Variants in GNG12 observed in about 807,000 individuals in gnomAD.
GNG12 encodes G protein subunit gamma 12.
For missense variants in GNG12, 69 were observed against 83.8 expected, an observed-to-expected ratio of 0.82 and a Z score of 0.69; for synonymous variants, 28 against 29.7, an observed-to-expected ratio of 0.94 and a Z score of 0.19.
At chr1:67,780,347 A>G (rs1291280618) in intron 1 of GNG12, among the ~76,000 whole-genome samples, 2 of 152,176 alleles carry the variant, frequency 1.3e-5, no homozygotes, top group African/African-American at 4.8e-5. Flanking sequence ...TTCACACTCC[A>G]TGCCTGCCTC....
intron 1 of GNG12, among the ~76,000 whole-genome samples, chr1:67,830,890 T>A (rs1383464829): frequency 6.6e-6 from 1 of 152,224 alleles, no homozygotes; most frequent in South Asian, 2.1e-4. Flanking sequence ...TTGAACAAGC[T>A]AGATAAATAT....
At chr1:67,807,440 TAAA>T (rs1407664478) in intron 1 of GNG12, among the ~76,000 whole-genome samples, 1 of 144,160 alleles carries the variant, frequency 6.9e-6, no homozygotes, top group African/African-American at 2.6e-5. Flanking sequence ...AAAAATAAAA[TAAA>T]AAAATTCAAA....
intron 1 of GNG12, among the ~76,000 whole-genome samples, chr1:67,807,216 T>C (rs908322257): frequency 3.9e-5 from 6 of 152,020 alleles, no homozygotes; most frequent in African/African-American, 1.4e-4. Flanking sequence ...ATCTGAAATT[T>C]AAAAATATTT....
At chr1:67,770,017 C>T (rs963582518) in intron 2 of GNG12, among the ~76,000 whole-genome samples, 3 of 152,114 alleles carry the variant, frequency 2.0e-5, no homozygotes, top group Non-Finnish European at 4.4e-5. Context: ...AGATGAAGGA[C>T]CACTTTTAGA....
chr1:67,827,448 T>C (rs534498116), intron 1 of GNG12, among the ~76,000 whole-genome samples: 1 of 151,850 alleles, frequency 6.6e-6, no homozygotes, highest in African/African-American at 2.4e-5. Flanking sequence ...TTTTTTAAGA[T>C]GGCATCTTGC....
At chr1:67,818,413 GTTTTTTTTTT>G (rs1163831257) in intron 1 of GNG12, among the ~76,000 whole-genome samples, 6 of 83,900 alleles carry the variant, frequency 7.2e-5, no homozygotes, top group East Asian at 4.4e-4. Flanking sequence ...AAGACCAGGG[GTTTTTTTTTT>G]TTTTTTTTTT....
chr1:67,712,831 CTTT>C (rs11310806), intron 2 of GNG12, among the ~76,000 whole-genome samples: 4 of 147,148 alleles, frequency 2.7e-5, no homozygotes, highest in African/African-American at 9.9e-5. Context: ...CCATGTGGTT[CTTT>C]TTTTTTTTTT....
chr1:67,710,705 T>G (rs1365647068), intron 2 of GNG12, among the ~76,000 whole-genome samples: 1 of 152,200 alleles, frequency 6.6e-6, no homozygotes, highest in Non-Finnish European at 1.5e-5. Flanking sequence ...TGATTCACAC[T>G]TGCCAGCTCA....
intron 3 of GNG12, among the ~76,000 whole-genome samples, chr1:67,707,174 T>TA (rs1646254351): frequency 6.6e-6 from 1 of 152,216 alleles, no homozygotes; most frequent in Non-Finnish European, 1.5e-5. Flanking sequence ...TTCATTTCCC[T>TA]AAAAAGGAAA....
intron 1 of GNG12, among the ~76,000 whole-genome samples, chr1:67,828,232 TAA>T (rs1453766659): frequency 1.3e-5 from 2 of 152,200 alleles, no homozygotes; most frequent in African/African-American, 4.8e-5. Flanking sequence ...CTGCTATGGC[TAA>T]AGAGTGGCAA....
chr1:67,770,665 GC>G (rs926513967), intron 2 of GNG12, among the ~76,000 whole-genome samples: 12 of 152,144 alleles, frequency 7.9e-5, no homozygotes, highest in Non-Finnish European at 1.5e-4. Flanking sequence ...CCAGAGCAAG[GC>G]CCCTCAGAGG....
At chr1:67,812,378 C>T (rs1008858153) in intron 1 of GNG12, among the ~76,000 whole-genome samples, 1 of 152,204 alleles carries the variant, frequency 6.6e-6, no homozygotes, top group Non-Finnish European at 1.5e-5. Context: ...TTAATTTCAG[C>T]TGACAGATAA....
chr1:67,740,560 T>C (rs1646477286), intron 2 of GNG12, among the ~76,000 whole-genome samples: 1 of 152,266 alleles, frequency 6.6e-6, no homozygotes, highest in African/African-American at 2.4e-5. Context: ...ATCCCTGATC[T>C]GGAGTAAGGA....
chr1:67,815,063 A>C (rs1646945786), intron 1 of GNG12, among the ~76,000 whole-genome samples: 1 of 152,210 alleles, frequency 6.6e-6, no homozygotes, highest in African/African-American at 2.4e-5. Context: ...GTGCTTCTGG[A>C]AAGTGTTACC....
chr1:67,721,273 T>A (rs1272365021), intron 2 of GNG12, among the ~76,000 whole-genome samples: 1 of 152,142 alleles, frequency 6.6e-6, no homozygotes, highest in Non-Finnish European at 1.5e-5. Flanking sequence ...GCTAAGCATG[T>A]GTGAAGGAAG....
rs552079817 is a variant in GNG12 at position 67,706,099 on chromosome 1, G to C, written c.94-523C>G. Among the ~76,000 whole-genome samples, 39 of 152,246 alleles carry C rather than the reference G, an allele frequency of 2.6e-4. No individual in the cohort carries two copies. The South Asian group carries it at 7.5e-3, about 29-fold the overall frequency. On this transcript the variant is annotated intron_variant, in intron 3 of 3. Transcript: ENST00000370982. ...AGAAGGAGGGAGAGAGACAGTGCAA[G>C]CAAGTACATGTGGTCAAATGTTAAA...
intron 1 of GNG12, among the ~76,000 whole-genome samples, chr1:67,802,397 G>T (rs1158133149): frequency 1.3e-5 from 2 of 152,054 alleles, no homozygotes; most frequent in Non-Finnish European, 2.9e-5. Flanking sequence ...ACCCTTGTCG[G>T]CCAGGCACAT....
At chr1:67,810,494 A>C (rs1646918723) in intron 1 of GNG12, among the ~76,000 whole-genome samples, 1 of 152,232 alleles carries the variant, frequency 6.6e-6, no homozygotes, top group Non-Finnish European at 1.5e-5. Context: ...GGAGGAGGCT[A>C]TGCATAGGCA....
At chr1:67,777,692 G>C (rs1198471514) in intron 1 of GNG12, among the ~76,000 whole-genome samples, 185 bp from the exon 2 acceptor site, 1 of 152,176 alleles carries the variant, frequency 6.6e-6, no homozygotes, top group Non-Finnish European at 1.5e-5. Context: ...CCTGAATAGA[G>C]AGAGCATGCT....
Sources: allele counts gnomAD v4.1 joint callset (sites outside exome capture counted in the v4.1 genomes callset), GRCh38; gene constraint gnomAD v4.1.1; transcripts MANE v1.5; gene names NCBI Gene and HGNC (gene_info 2026-07-23, HGNC 2026-07-21).